The following CELSR2 variants were observed in gnomAD, a reference collection of about 807,000 sequenced individuals.
CELSR2 encodes the protein EGF-like protein 2.
A neutral mutation model predicts 251.6 loss-of-function variants in CELSR2; 81 were observed. The observed-to-expected ratio is 0.32, with a 90% confidence interval of 0.27 to 0.39. The LOEUF is 0.39. Among genes scored for constraint, CELSR2 ranks in the 10% least tolerant of loss-of-function variants. The probability of loss-of-function intolerance (pLI) is 1.00; values close to 1 mark genes in which losing one functional copy is unlikely to be tolerated. For missense variants in CELSR2, 3,365 were observed against 3,947.7 expected (o/e 0.85, Z 3.96); for synonymous variants, 1,721 against 1,670.5 (o/e 1.03, Z -0.74).
chr1:109,250,443 C>T lies in CELSR2; in HGVS notation c.364C>T (p.His122Tyr), dbSNP rs1348998248. Reference protein sequence around the residue: ...WSCRLLGIGGHLSPQGKLTLP... With the variant: ...WSCRLLGIGGYLSPQGKLTLP... ...CTGTCGCCTCCTGGGCATTGGAGGC[C>T]ACCTTTCCCCACAGGGCAAGCTCAC... The change falls in exon 1 of 34, where the codon CAC becomes TAC. Residue 122 changes from histidine to tyrosine, a missense_variant. This residue lies in a region of CELSR2 where 704 missense variants were observed against 784.1 expected (regional missense o/e 0.90). Coordinates refer to ENST00000271332, the MANE Select transcript of CELSR2 (RefSeq NM_001408.3). The surrounding 1 kb of genome is among the most constrained non-coding windows in gnomAD (Gnocchi z 4.4). 2 of 1,613,712 alleles carry T rather than the reference C, an allele frequency of 1.2e-6. No individual in the cohort carries two copies. The highest frequency in any genetic ancestry group is 2.7e-5 in the African/African-American group (2 of 75,060).
chr1:109,274,068 ACGC>A lies in CELSR2; in HGVS notation c.*21_*23del. 6.2e-7 allele frequency: 1 copy of A among 1,613,724 alleles called. No homozygotes were observed. The highest frequency in any genetic ancestry group is 8.5e-7 in the Non-Finnish European group (1 of 1,179,926). On this transcript the variant is annotated 3_prime_UTR_variant, in exon 34 of 34. Coordinates refer to ENST00000271332, the MANE Select transcript of CELSR2 (RefSeq NM_001408.3). ...GCATTAACCCTGGGCCGTGGTTCCT[ACGC>A]CCGAGGCTCCCTTCCCTTCCCCAGC...
intron 5 of CELSR2, 112 bp downstream of exon 5, chr1:109,262,008 C>A: frequency 1.6e-6 from 2 of 1,251,760 alleles, no homozygotes; most frequent in Non-Finnish European, 2.3e-6. Context: ...GCATTTCTGG[C>A]TGAGAGGAAG....
rs375989725 is a variant in CELSR2, at chr1:109,271,268, C to A, written c.7648C>A (p.Arg2550=). The part of the protein sequence containing the change: ...LAARASCAAQ[R]QGFEKKGPVS... The stretch of plus-strand genomic sequence containing the variant: ...GGCCCGGGCCTCCTGTGCTGCCCAG[C>A]GGCAGGGCTTTGAGAAGAAAGGTCC... The change falls in exon 26 of 34, where the codon CGG becomes AGG. Residue 2550 remains arginine, a synonymous_variant. Coordinates refer to ENST00000271332, the MANE Select transcript of CELSR2 (RefSeq NM_001408.3). 15 of 1,613,848 alleles carry A rather than the reference C, an allele frequency of 9.3e-6. No individual in the cohort carries two copies. The highest frequency in any genetic ancestry group is 1.3e-5 in the African/African-American group (1 of 74,906).
chr1:109,267,892 G>C lies in CELSR2; in HGVS notation c.6150G>C (p.Gly2050=). The change falls in exon 17 of 34, where the codon GGG becomes GGC. Residue 2050 remains glycine (G), a synonymous_variant. Coordinates refer to ENST00000271332, the MANE Select transcript of CELSR2 (RefSeq NM_001408.3). ...LQRNESGLDS[G]RSQQLALLLR... ...GGAATGAGTCAGGCCTAGACTCAGG[G>C]CGCTCCCAGCAGCTAGCCCTGCTCC... The C allele has an allele frequency of 6.2e-7, 1 of 1,609,870 alleles. No homozygotes were observed. The highest frequency in any genetic ancestry group is 8.5e-7 in the Non-Finnish European group (1 of 1,179,200).
intron 1 of CELSR2, among the ~76,000 whole-genome samples, chr1:109,253,769 G>A (rs963384729): frequency 6.6e-6 from 1 of 152,228 alleles, no homozygotes; most frequent in Non-Finnish European, 1.5e-5. Context: ...TGGCGCAGGA[G>A]AGGAGGCGAG....
rs1403443857 is a variant in CELSR2, at chr1:109,265,202, C to T, written c.5618C>T (p.Pro1873Leu). 6.2e-7 allele frequency: 1 copy of T among 1,604,820 alleles called. No homozygotes were observed. Among genetic ancestry groups the T allele is most frequent in the Non-Finnish European group, 8.5e-7 (1 of 1,174,794 alleles). Reference sequence around the variant, plus strand: ...GTCCCTCTCTGCAGGATTGACCAGCCTTGTCCCCGTGGCTGGTGGGGACAT... The same window carrying T: ...GTCCCTCTCTGCAGGATTGACCAGCTTTGTCCCCGTGGCTGGTGGGGACAT... ...GPYCETRIDQ[P>L]CPRGWWGHPT... Residue 1873 changes from proline to leucine, a missense_variant, in exon 13 of 34, where the codon CCT (proline) becomes CTT (leucine). Physicochemically the swap from Pro to Leu is moderately conservative, Grantham distance 98. Transcript: ENST00000271332.
At chr1:109,253,734 G>A (rs75105072) in intron 1 of CELSR2, among the ~76,000 whole-genome samples, 1 of 152,214 alleles carries the variant, frequency 6.6e-6, no homozygotes, top group African/African-American at 2.4e-5. Flanking sequence ...GGCCAGGAGA[G>A]CTGGGGGAAG....
rs769145926 is a variant in CELSR2, at chr1:109,253,406, G to A, written c.3310+17G>A. The stretch of plus-strand genomic sequence containing the variant: ...TGGTGTCAGGTAAGGAAGGGCCCAG[G>A]TGGCGCTGGGGTGGGGGTAGCTCGC... On this transcript the variant is annotated intron_variant, in intron 1 of 33. Coordinates refer to ENST00000271332, the MANE Select transcript of CELSR2 (RefSeq NM_001408.3). 9.3e-6 allele frequency: 15 copies of A among 1,606,318 alleles called. No homozygotes were observed. The highest frequency in any genetic ancestry group is 1.7e-6 in the Non-Finnish European group (2 of 1,176,904).
At chr1:109,259,706 G>A (rs1252745735) in intron 2 of CELSR2, among the ~76,000 whole-genome samples, 1 of 152,178 alleles carries the variant, frequency 6.6e-6, no homozygotes, top group Non-Finnish European at 1.5e-5. Context: ...ACTGGAGGGG[G>A]TTGAGTTCTG....
At position 109,273,260 on chromosome 1, in the gene CELSR2, G is replaced by A. The variant is rs1656425922; in HGVS notation, c.8433G>A (p.Leu2811=). 1.9e-6 allele frequency: 3 copies of A among 1,611,624 alleles called. No individual in the cohort carries two copies. The highest frequency in any genetic ancestry group is 2.5e-6 in the Non-Finnish European group (3 of 1,178,906). The change falls in exon 32 of 34, where the codon CTG becomes CTA. Residue 2811 remains leucine, a synonymous_variant. Transcript: ENST00000271332. The part of the protein sequence containing the change: ...SSGNGAPEER[L]RENGDALSRE... ...GCAACGGGGCCCCTGAGGAGCGGCT[G>A]CGGGAGAATGGAGATGCCCTGTCTC...
Position 109,273,621 on chromosome 1 carries a change from G to A in CELSR2, c.8695G>A (p.Ala2899Thr), listed in dbSNP as rs763143000. 3.9e-6 allele frequency: 6 copies of A among 1,527,036 alleles called. No individual in the cohort carries two copies. The African/African-American group carries it at 4.2e-5, about 11-fold the overall frequency. 94.6% of individuals were successfully genotyped at this position (1,527,036 alleles called of 1,614,324 possible). Residue 2899 changes from alanine to threonine, a missense_variant, in exon 33 of 34, where the codon GCC becomes ACC. Physicochemically the swap from Ala to Thr is moderately conservative, Grantham distance 58. Around this residue, in one of 5 missense-constraint regions of CELSR2, gnomAD observed 2,093 missense variants for 2,382.8 expected, o/e 0.88. Coordinates refer to ENST00000271332, the MANE Select transcript of CELSR2 (RefSeq NM_001408.3). ...QEQLNGVMPI[A>T]MSIKAGTVDE... ...GCAGCTGAACGGGGTCATGCCCATC[G>A]CCATGAGCATCAAGGCAGGCACGGT...
Position 109,270,430 on chromosome 1 carries a change from C to T in CELSR2, c.7313C>T (p.Ala2438Val). 1 of 1,614,136 alleles carries T rather than the reference C, an allele frequency of 6.2e-7. No individual in the cohort carries two copies. Among genetic ancestry groups the T allele is most frequent in the Non-Finnish European group, 8.5e-7 (1 of 1,180,018 alleles). Reference protein sequence around the residue: ...LGINQADLPFACTVIAILLHF... With the variant: ...LGINQADLPFVCTVIAILLHF... ...TGCCCTGGCCTGGGCCCTCAGTTTG[C>T]CTGCACAGTCATTGCCATCCTGCTG... Residue 2438 changes from alanine (A) to valine (V), a missense_variant, in exon 24 of 34, where the codon GCC becomes GTC. Transcript: ENST00000271332.
Position 109,251,145 on chromosome 1 carries a change from G to A in CELSR2, c.1066G>A (p.Asp356Asn), listed in dbSNP as rs375029971. 4.3e-6 allele frequency: 7 copies of A among 1,613,112 alleles called. No homozygotes were observed. Among genetic ancestry groups the A allele is most frequent in the Admixed American group, 1.7e-5 (1 of 59,998 alleles). The change falls in exon 1 of 34, where the codon GAT (aspartate) becomes AAT (asparagine). Residue 356 changes from aspartate to asparagine, a missense_variant. By Grantham distance (23) the Asp-to-Asn change is conservative. This residue lies in a region of CELSR2 where 704 missense variants were observed against 784.1 expected (regional missense o/e 0.90). Transcript: ENST00000271332. The surrounding 1 kb of genome is among the most constrained non-coding windows in gnomAD (Gnocchi z 4.9). ...GGTGATCCGAACCCGTGGCCCTGTG[G>A]ATCGGGAAGAGGTGGAATCCTACCA... Reference protein sequence around the residue: ...SGVIRTRGPVDREEVESYQLT... With the variant: ...SGVIRTRGPVNREEVESYQLT...
chr1:109,268,550 A>G (rs1292015137), intron 17 of CELSR2, 31 bp from the exon 18 acceptor site: 19 of 1,576,746 alleles, frequency 1.2e-5, no homozygotes, highest in Non-Finnish European at 1.6e-5. Flanking sequence ...GTGGGTTGTG[A>G]GCACACCCAC....
At position 109,253,140 on chromosome 1, in the gene CELSR2, C is replaced by T; in HGVS notation, c.3061C>T (p.Pro1021Ser). The change falls in exon 1 of 34, where the codon CCA (proline) becomes TCA (serine). Residue 1021 changes from proline to serine, a missense_variant. Physicochemically the swap from Pro to Ser is moderately conservative, Grantham distance 74. This residue lies in a region of CELSR2 where 505 missense variants were observed against 660.0 expected (regional missense o/e 0.77). Transcript: ENST00000271332. ...VRLLDRNDNP[P>S]VLGNFEILFN... ...CCTCCTTGACCGCAATGACAACCCA[C>T]CAGTGCTGGGCAACTTTGAGATCCT... 1 of 1,613,838 alleles carries T rather than the reference C, an allele frequency of 6.2e-7. No individual in the cohort carries two copies. Among genetic ancestry groups the T allele is most frequent in the Non-Finnish European group, 8.5e-7 (1 of 1,180,034 alleles).
In CELSR2 at chr1:109,263,593, C is replaced by T; in HGVS notation, c.4835-18C>T. On this transcript the variant is annotated intron_variant, in intron 8 of 33. Transcript: ENST00000271332. ...TGAGGCTCCACCCGTCACAGTCTGC[C>T]TTTTCCTGCCTCCCCAGAAATGGCC... 3 of 1,612,480 alleles carry T rather than the reference C, an allele frequency of 1.9e-6. No homozygotes were observed. The highest frequency in any genetic ancestry group is 2.5e-6 in the Non-Finnish European group (3 of 1,179,050).
At position 109,273,525 on chromosome 1, in the gene CELSR2, G is replaced by T; in HGVS notation, c.8599G>T (p.Gly2867Cys). 1.2e-6 allele frequency: 2 copies of T among 1,600,788 alleles called. No individual in the cohort carries two copies. The highest frequency in any genetic ancestry group is 1.7e-6 in the Non-Finnish European group (2 of 1,174,240). The part of the protein sequence containing the change: ...PLEQCTGSSR[G>C]SSASEGSRGG... ...GGAGCAATGCACAGGGTCTTCCCGG[G>T]GCTCCTCCGCTAGTGAGGGCAGCCG... Residue 2867 changes from glycine to cysteine, a missense_variant, in exon 33 of 34, where the codon GGC becomes TGC. Transcript: ENST00000271332.
intron 11 of CELSR2, 24 bp downstream of exon 11, chr1:109,264,652 G>C (rs200267968): frequency 6.2e-6 from 10 of 1,602,884 alleles, no homozygotes; most frequent in Non-Finnish European, 8.5e-6. Context: ...CCAGGGCAAC[G>C]GGCAGGTTAT....
chr1:109,253,531 G>A, intron 1 of CELSR2, 142 bp downstream of exon 1: 2 of 1,427,402 alleles, frequency 1.4e-6, no homozygotes, highest in South Asian at 1.5e-5. Context: ...GGAGGGGCAA[G>A]AGCCAGCTTG....
Sources: gnomAD v4.1 joint callset for allele counts (sites outside exome capture counted in the v4.1 genomes callset) on GRCh38, gnomAD v4.1.1 for gene constraint, gnomAD v4.1.1 regional missense constraint, Gnocchi (gnomAD v3.1) non-coding constraint, MANE v1.5 for transcripts, NCBI Gene and HGNC (gene_info 2026-07-23, HGNC 2026-07-21) for gene names.